The following TMTC2 variants were observed in gnomAD, a reference collection of about 807,000 sequenced individuals.
The protein encoded by TMTC2 is protein O-mannosyl-transferase TMTC2.
In TMTC2, 43 loss-of-function variants were observed where a neutral mutation model predicts 82.4. That is an observed-to-expected ratio of 0.52 (90% confidence interval 0.41 to 0.67). TMTC2 has a LOEUF of 0.67. Among genes scored for constraint, TMTC2 ranks in the 30% least tolerant of loss-of-function variants. TMTC2 has a pLI of 0.00. For synonymous variants in TMTC2, 408 were observed against 381.9 expected, an observed-to-expected ratio of 1.07 and a Z score of -0.80; for missense variants, 919 against 1,012.4, an observed-to-expected ratio of 0.91 and a Z score of 1.25.
intron 1 of TMTC2, among the ~76,000 whole-genome samples, chr12:82,721,245 G>A (rs147069499): frequency 7.2e-5 from 11 of 152,126 alleles, no homozygotes; most frequent in Non-Finnish European, 1.3e-4. Flanking sequence ...TGCCCATGCT[G>A]TCTGTCAGTG....
intron 8 of TMTC2, among the ~76,000 whole-genome samples, chr12:82,992,872 C>A (rs942063334): frequency 6.6e-6 from 1 of 152,012 alleles, no homozygotes; most frequent in Non-Finnish European, 1.5e-5. Flanking sequence ...GTCTCAGGAG[C>A]AATAAAAATT....
At chr12:82,842,579 C>T (rs565481858) in intron 1 of TMTC2, among the ~76,000 whole-genome samples, 2 of 152,246 alleles carry the variant, frequency 1.3e-5, no homozygotes, top group South Asian at 4.2e-4. Flanking sequence ...ATGGTACTGT[C>T]TCTATGGTAT....
At chr12:82,899,815 A>C (rs1317201785) in intron 3 of TMTC2, among the ~76,000 whole-genome samples, 1 of 146,024 alleles carries the variant, frequency 6.8e-6, no homozygotes, top group Non-Finnish European at 1.5e-5. Flanking sequence ...ATATATCCGG[A>C]ATATAGATAT....
chr12:82,780,803 G>GTT (rs1229559953), intron 1 of TMTC2, among the ~76,000 whole-genome samples: 1 of 107,842 alleles, frequency 9.3e-6, no homozygotes, highest in Non-Finnish European at 2.0e-5. Context: ...CATGTAAGAA[G>GTT]TTTTGTTTTT....
chr12:83,102,738 T>G (rs1276869144), intron 11 of TMTC2, among the ~76,000 whole-genome samples: 1 of 152,202 alleles, frequency 6.6e-6, no homozygotes, highest in Non-Finnish European at 1.5e-5. Flanking sequence ...ACTTCCTCTC[T>G]TCTCTTGAGT....
chr12:82,879,944 G>T (rs955375177), intron 2 of TMTC2, among the ~76,000 whole-genome samples: 13 of 152,178 alleles, frequency 8.5e-5, no homozygotes, highest in African/African-American at 3.1e-4. Flanking sequence ...GACTTCATCT[G>T]GGAGGAATAA....
At chr12:82,754,140 G>T (rs1287797244) in intron 1 of TMTC2, among the ~76,000 whole-genome samples, 1 of 152,174 alleles carries the variant, frequency 6.6e-6, no homozygotes, top group East Asian at 1.9e-4. Context: ...GAAGTTGAGA[G>T]AAGATCAGGA....
At chr12:83,108,933 A>G (rs779533097) in intron 11 of TMTC2, among the ~76,000 whole-genome samples, 138 of 152,190 alleles carry the variant, frequency 9.1e-4, no homozygotes, top group Non-Finnish European at 2.6e-4. Context: ...TACAGTAAGA[A>G]CTAATATCAG....
intron 8 of TMTC2, among the ~76,000 whole-genome samples, chr12:83,005,767 AGTATGCCTGCTC>A (rs1464481569): frequency 6.6e-6 from 1 of 152,190 alleles, no homozygotes; most frequent in African/African-American, 2.4e-5. Flanking sequence ...CACTCAAAGC[AGTATGCCTGCTC>A]CTGTGCAAGC....
At chr12:82,927,527 T>C (rs1473239923) in intron 3 of TMTC2, among the ~76,000 whole-genome samples, 1 of 152,196 alleles carries the variant, frequency 6.6e-6, no homozygotes, top group Non-Finnish European at 1.5e-5. Flanking sequence ...ATGATCTTAG[T>C]TGATAAAGCA....
At chr12:83,035,600 G>T (rs1462556839) in intron 9 of TMTC2, among the ~76,000 whole-genome samples, 1 of 152,176 alleles carries the variant, frequency 6.6e-6, no homozygotes, top group Non-Finnish European at 1.5e-5. Context: ...ACAACATTGT[G>T]TATTTGTATG....
At chr12:82,740,272 G>T (rs1460583893) in intron 1 of TMTC2, among the ~76,000 whole-genome samples, 1 of 152,114 alleles carries the variant, frequency 6.6e-6, no homozygotes, top group Non-Finnish European at 1.5e-5. Flanking sequence ...GGTGTGATAG[G>T]TTTTCATTTG....
chr12:82,963,822 T>C (rs868051994), intron 4 of TMTC2, among the ~76,000 whole-genome samples: 2,734 of 93,866 alleles, frequency 0.029, 180 homozygotes, highest in Non-Finnish European at 0.038. Flanking sequence ...TATATATATA[T>C]ATATATATAT....
intron 10 of TMTC2, among the ~76,000 whole-genome samples, chr12:83,060,646 T>C (rs1042991783): frequency 6.6e-6 from 1 of 151,766 alleles, no homozygotes; most frequent in Non-Finnish European, 1.5e-5. Flanking sequence ...ATTTTTTCTG[T>C]ACCCTTCAAA....
chr12:82,903,688 C>G (rs1441100280), intron 3 of TMTC2, among the ~76,000 whole-genome samples: 1 of 152,174 alleles, frequency 6.6e-6, no homozygotes, highest in Non-Finnish European at 1.5e-5. Context: ...GCCGGGATTA[C>G]AGGCGTGAGC....
chr12:82,687,650 G>A lies in TMTC2; in HGVS notation c.64G>A (p.Asp22Asn). ...LALYLNTLSA[D>N]FCYDDSRAIK... ...CTTGTATCTCAACACCCTGAGTGCG[G>A]ATTTCTGCTATGATGACAGGTAAGG... is the stretch of plus-strand genomic sequence containing the variant. The change falls in exon 1 of 12, where the codon GAT becomes AAT. Residue 22 changes from aspartate to asparagine, a missense_variant. Coordinates refer to ENST00000321196, the MANE Select transcript of TMTC2 (RefSeq NM_152588.3). 6.2e-7 allele frequency: 1 copy of A among 1,604,824 alleles called. No individual in the cohort carries two copies. The highest frequency in any genetic ancestry group is 8.5e-7 in the Non-Finnish European group (1 of 1,176,874).
chr12:82,860,016 TAGGCTGGAGTGCAGTGGCACGATCTC>T (rs2137119760), intron 2 of TMTC2, among the ~76,000 whole-genome samples: 1 of 152,182 alleles, frequency 6.6e-6, no homozygotes, highest in Admixed American at 6.5e-5. Flanking sequence ...CCCTGTCGCC[TAGGCTGGAGTGCAGTGGCACGATCTC>T]AGCTCACTGC....
At chr12:82,760,702 C>T (rs1218134542) in intron 1 of TMTC2, among the ~76,000 whole-genome samples, 1 of 151,976 alleles carries the variant, frequency 6.6e-6, no homozygotes, top group Admixed American at 6.6e-5. Flanking sequence ...AGCCACTCAC[C>T]ATTGCTGGTA....
At chr12:82,760,859 C>A in intron 1 of TMTC2, 1 of 411,530 alleles carries the variant, frequency 2.4e-6, no homozygotes, top group South Asian at 1.7e-5. Flanking sequence ...TCATTGTCTC[C>A]CCTCACCCCC....
Sources: allele counts gnomAD v4.1 joint callset (sites outside exome capture counted in the v4.1 genomes callset), GRCh38; gene constraint gnomAD v4.1.1; transcripts MANE v1.5; gene names NCBI Gene and HGNC (gene_info 2026-07-23, HGNC 2026-07-21).